The following LOC730098 variants were observed in gnomAD, a reference collection of about 807,000 sequenced individuals.
the LOC730098 span, chr9:34,664,952 C>G: frequency 3.6e-6 from 2 of 553,244 alleles, no homozygotes; most frequent in Non-Finnish European, 6.3e-6. Context: ...CAGTACGGAA[C>G]AGAGCCCGTG....
the LOC730098 span, chr9:34,665,121 C>G: frequency 1.6e-6 from 1 of 608,236 alleles, no homozygotes; most frequent in Non-Finnish European, 2.9e-6. Flanking sequence ...GAGTAGGACC[C>G]AGGCCGCTGG....
chr9:34,665,395 G>A, the LOC730098 span: 1 of 696,622 alleles, frequency 1.4e-6, no homozygotes, highest in South Asian at 1.5e-5. Flanking sequence ...GGGCAGAGCC[G>A]GGCGGGGCGG....
chr9:34,665,779 C>T, the LOC730098 span: 2 of 652,724 alleles, frequency 3.1e-6, no homozygotes, highest in South Asian at 1.6e-5. Flanking sequence ...TAATCTGAGG[C>T]TGATGCCCCC....
chr9:34,664,789 C>T, the LOC730098 span: 1 of 390,082 alleles, frequency 2.6e-6, no homozygotes, highest in Admixed American at 4.3e-5. Context: ...GAGTAACAGG[C>T]AGGATTATTT....
At chr9:34,665,478 G>A in the LOC730098 span, 1 of 695,620 alleles carries the variant, frequency 1.4e-6, no homozygotes, top group South Asian at 1.5e-5. Flanking sequence ...GCTCCGCCCC[G>A]CCTCTAAAAG....
At chr9:34,665,113 G>A in the LOC730098 span, 3 of 605,338 alleles carry the variant, frequency 5.0e-6, no homozygotes, top group Non-Finnish European at 8.8e-6. Context: ...GCGCTGGGGA[G>A]TAGGACCCAG....
chr9:34,665,233 A>C, the LOC730098 span: 6 of 685,764 alleles, frequency 8.7e-6, no homozygotes, highest in Non-Finnish European at 1.6e-5. Flanking sequence ...GGCGGGAGCT[A>C]CCGGATTCCC....
chr9:34,664,430 A>T, the LOC730098 span: 2 of 152,310 alleles, frequency 1.3e-5, no homozygotes, highest in Non-Finnish European at 2.9e-5. Flanking sequence ...GCAGTCCCTG[A>T]TTCTCACCAC....
At chr9:34,665,546 C>CCA in the LOC730098 span, 10 of 693,392 alleles carry the variant, frequency 1.4e-5, no homozygotes, top group Admixed American at 8.2e-5. Flanking sequence ...CTCGCCCCCG[C>CCA]AGAACTCCAC....
chr9:34,665,332 A>G, the LOC730098 span: 1 of 686,650 alleles, frequency 1.5e-6, no homozygotes, highest in African/African-American at 1.8e-5. Context: ...CCTCCGCCAC[A>G]TGCGAAGCCA....
the LOC730098 span, chr9:34,665,896 G>T: frequency 3.4e-6 from 2 of 581,664 alleles, no homozygotes; most frequent in Admixed American, 6.2e-5. Flanking sequence ...GGGGCATTTA[G>T]GGGGCCAGGG....
At chr9:34,665,758 C>T in the LOC730098 span, 2 of 687,412 alleles carry the variant, frequency 2.9e-6, no homozygotes, top group Non-Finnish European at 5.3e-6. Context: ...CGAGGCTGCC[C>T]AGTTCTCAGG....
At chr9:34,665,964 G>A in the LOC730098 span, 1 of 486,462 alleles carries the variant, frequency 2.1e-6, no homozygotes, top group Non-Finnish European at 3.7e-6. Flanking sequence ...AGGATTTTCA[G>A]GGGCTGGGGT....
the LOC730098 span, chr9:34,665,771 A>G: frequency 3.0e-6 from 2 of 662,494 alleles, no homozygotes; most frequent in African/African-American, 3.6e-5. Context: ...TTCTCAGGTA[A>G]TCTGAGGCTG....
the LOC730098 span, chr9:34,665,623 C>A: frequency 1.4e-6 from 1 of 701,496 alleles, no homozygotes; most frequent in East Asian, 2.7e-5. Context: ...TCCTCCTCCG[C>A]CTCCAGCGCC....
At chr9:34,664,982 C>G in the LOC730098 span, 5 of 551,846 alleles carry the variant, frequency 9.1e-6, no homozygotes, top group Non-Finnish European at 1.6e-5. Flanking sequence ...GCGCTCGGCT[C>G]GAATGGCGAC....
At chr9:34,665,726 C>T in the LOC730098 span, 1 of 699,540 alleles carries the variant, frequency 1.4e-6, no homozygotes, top group East Asian at 2.7e-5. Flanking sequence ...GCCCCAGGTC[C>T]CCTTCTCCGT....
the LOC730098 span, chr9:34,665,457 C>A: frequency 4.4e-6 from 3 of 688,130 alleles, no homozygotes; most frequent in South Asian, 3.1e-5. Flanking sequence ...GGTGCCTCGC[C>A]GTCGAGGAAG....
the LOC730098 span, chr9:34,665,517 A>T: frequency 1.4e-6 from 1 of 698,150 alleles, no homozygotes. Context: ...CGCCCCTGGG[A>T]GGCTCGCCCT....
Sources: gnomAD v4.1 joint callset for allele counts on GRCh38, gnomAD v4.1.1 for gene constraint, MANE v1.5 for transcripts.